Variants in RANBP2 observed in about 807,000 individuals in gnomAD.
RANBP2 encodes the protein E3 SUMO-protein ligase RanBP2.
In RANBP2, 57 loss-of-function variants were observed where a neutral mutation model predicts 303.6. That is an observed-to-expected ratio of 0.19 (90% confidence interval 0.15 to 0.23). RANBP2 has a LOEUF of 0.23. Among genes scored for constraint, RANBP2 ranks in the 10% least tolerant of loss-of-function variants. The pLI is 1.00. For synonymous variants in RANBP2, 1,167 were observed against 1,301.5 expected, an observed-to-expected ratio of 0.90 and a Z score of 2.23; for missense variants, 3,138 against 3,780.8, an observed-to-expected ratio of 0.83 and a Z score of 4.46.
the RANBP2 span, among the ~76,000 whole-genome samples, chr2:109,443,378 C>T: frequency 2.2e-4 from 34 of 152,228 alleles, no homozygotes; most frequent in Admixed American, 6.5e-4. Flanking sequence ...CTCTGTGTGA[C>T]GCTGAAACAA....
chr2:109,095,153 G>A, the RANBP2 span, among the ~76,000 whole-genome samples: 1 of 140,274 alleles, frequency 7.1e-6, no homozygotes, highest in Non-Finnish European at 1.6e-5. Flanking sequence ...GGGAACATGT[G>A]GAGTTAGTCA....
chr2:108,902,018 C>T, the RANBP2 span, among the ~76,000 whole-genome samples: 142,849 of 152,124 alleles, frequency 0.94, 67,153 homozygotes, highest in East Asian at 1. Flanking sequence ...AGCAGGTGGA[C>T]CACAAGGTCA....
chr2:109,195,944 G>A, the RANBP2 span, among the ~76,000 whole-genome samples: 1 of 152,192 alleles, frequency 6.6e-6, no homozygotes, highest in Non-Finnish European at 1.5e-5. Flanking sequence ...GCCCTGCAGC[G>A]AGAAGGGCCA....
At chr2:109,348,025 C>T in the RANBP2 span, 14 of 1,498,776 alleles carry the variant, frequency 9.3e-6, no homozygotes, top group East Asian at 3.2e-4. Flanking sequence ...CAGCCACAGA[C>T]CTATAGCCAG....
the RANBP2 span, among the ~76,000 whole-genome samples, chr2:108,991,402 G>A: frequency 6.6e-6 from 1 of 152,234 alleles, no homozygotes; most frequent in African/African-American, 2.4e-5. Flanking sequence ...CATTTTTTAA[G>A]TAAGAAAATG....
the RANBP2 span, among the ~76,000 whole-genome samples, chr2:109,083,347 G>A: frequency 6.6e-6 from 1 of 152,036 alleles, no homozygotes; most frequent in Non-Finnish European, 1.5e-5. Flanking sequence ...CTGTCTCTGT[G>A]AACTTGTCTT....
At chr2:109,693,216 C>T in the RANBP2 span, among the ~76,000 whole-genome samples, 10 of 152,174 alleles carry the variant, frequency 6.6e-5, no homozygotes, top group East Asian at 1.9e-3. Context: ...CTCACTCTAT[C>T]GCCCAGGCTG....
At chr2:109,679,629 C>T in the RANBP2 span, among the ~76,000 whole-genome samples, 2 of 152,190 alleles carry the variant, frequency 1.3e-5, no homozygotes, top group Admixed American at 1.3e-4. Context: ...GGTTACTTGG[C>T]TTCAAGACTC....
the RANBP2 span, among the ~76,000 whole-genome samples, chr2:109,096,041 A>T: frequency 3.3e-5 from 5 of 152,186 alleles, no homozygotes; most frequent in Non-Finnish European, 2.9e-5. Flanking sequence ...TTCTTTTTTT[A>T]AAATTTTTGA....
At chr2:109,705,143 G>A in the RANBP2 span, among the ~76,000 whole-genome samples, 2 of 151,348 alleles carry the variant, frequency 1.3e-5, no homozygotes, top group Non-Finnish European at 2.9e-5. Flanking sequence ...AGTGGCTCAT[G>A]CCTGTAATCC....
chr2:109,439,231 C>T, the RANBP2 span, among the ~76,000 whole-genome samples: 1 of 152,134 alleles, frequency 6.6e-6, no homozygotes, highest in Non-Finnish European at 1.5e-5. Flanking sequence ...CATTCTCTTC[C>T]ATCAGTTTAA....
the RANBP2 span, among the ~76,000 whole-genome samples, chr2:108,968,929 C>A: frequency 6.6e-6 from 1 of 152,194 alleles, no homozygotes; most frequent in Non-Finnish European, 1.5e-5. Context: ...AAAAAGACAA[C>A]CACAAAGATT....
the RANBP2 span, among the ~76,000 whole-genome samples, chr2:109,420,145 G>T: frequency 6.6e-6 from 1 of 152,360 alleles, no homozygotes; most frequent in African/African-American, 2.4e-5. Context: ...GTGCTAGGAA[G>T]TGAGATGTTT....
At chr2:108,768,717 A>T (rs937697113) in intron 20 of RANBP2, among the ~76,000 whole-genome samples, 20 of 152,082 alleles carry the variant, frequency 1.3e-4, no homozygotes, top group South Asian at 2.1e-4. Context: ...TCATTTGTTC[A>T]GTTTCTTTTG....
the RANBP2 span, among the ~76,000 whole-genome samples, chr2:109,061,602 C>T: frequency 6.6e-6 from 1 of 152,296 alleles, no homozygotes; most frequent in African/African-American, 2.4e-5. Context: ...ATATTTCAAA[C>T]ACTAGTTGAT....
the RANBP2 span, among the ~76,000 whole-genome samples, chr2:108,892,436 G>C: frequency 6.6e-6 from 1 of 152,128 alleles, no homozygotes; most frequent in Non-Finnish European, 1.5e-5. Flanking sequence ...AGTGCTTGCA[G>C]CTCACTCCCC....
chr2:108,999,297 G>T, the RANBP2 span, among the ~76,000 whole-genome samples: 1 of 152,158 alleles, frequency 6.6e-6, no homozygotes, highest in African/African-American at 2.4e-5. Context: ...CTGGAGCTTT[G>T]CATGTTAAGT....
chr2:109,597,074 A>G, the RANBP2 span, among the ~76,000 whole-genome samples: 8 of 152,074 alleles, frequency 5.3e-5, no homozygotes, highest in African/African-American at 1.4e-4. Context: ...CAGCCTCCTA[A>G]GTAGATGGGA....
At chr2:108,960,579 C>G in the RANBP2 span, among the ~76,000 whole-genome samples, 1 of 152,200 alleles carries the variant, frequency 6.6e-6, no homozygotes, top group African/African-American at 2.4e-5. Flanking sequence ...ACCACGCTGG[C>G]TCTGTCACTG....
Sources: gnomAD v4.1 joint callset for allele counts (sites outside exome capture counted in the v4.1 genomes callset) on GRCh38, gnomAD v4.1.1 for gene constraint, MANE v1.5 for transcripts, NCBI Gene and HGNC (gene_info 2026-07-23, HGNC 2026-07-21) for gene names.